Variants in WDR27 observed in about 807,000 individuals in gnomAD.
WDR27 encodes WD repeat-containing protein 27.
Under a neutral mutation model 114.4 loss-of-function variants are expected in WDR27, and 100 were observed. The observed-to-expected ratio is 0.87, with a 90% CI of 0.74 to 1.03. The LOEUF (loss-of-function observed/expected upper bound fraction) is 1.03, where lower values mean the gene tolerates loss of function less well. WDR27 is among the 50% of genes least tolerant of loss of function. The pLI, the probability that WDR27 is intolerant of heterozygous loss-of-function variation, is 0.00. For synonymous variants in WDR27, 449 were observed against 423.1 expected (o/e 1.06, Z -0.75); for missense variants, 1,129 against 1,092.9 (o/e 1.03, Z -0.47).
At chr6:169,674,652 GAAGA>G (rs1469415462) in intron 2 of WDR27, among the ~76,000 whole-genome samples, 7 of 152,176 alleles carry the variant, frequency 4.6e-5, no homozygotes, top group African/African-American at 1.7e-4. Flanking sequence ...GGGAATATTT[GAAGA>G]AATAATGGCT....
At chr6:169,524,513 C>A (rs557930750) in intron 25 of WDR27, among the ~76,000 whole-genome samples, 28 of 152,252 alleles carry the variant, frequency 1.8e-4, no homozygotes, top group Non-Finnish European at 3.2e-4. Context: ...AGGTGTCACA[C>A]TCACCTGACT....
chr6:169,437,798 AT>A, the WDR27 span, among the ~76,000 whole-genome samples: 3 of 151,528 alleles, frequency 2.0e-5, no homozygotes, highest in African/African-American at 2.4e-5. Flanking sequence ...AGTTGTTGCA[AT>A]TTTTTTTTAA....
chr6:169,581,778 CT>C (rs1803476370), intron 24 of WDR27, among the ~76,000 whole-genome samples: 1 of 149,344 alleles, frequency 6.7e-6, no homozygotes, highest in African/African-American at 2.5e-5. Flanking sequence ...GCAACATGCC[CT>C]GAACCACGGC....
intron 25 of WDR27, among the ~76,000 whole-genome samples, chr6:169,547,824 G>A (rs918753794): frequency 6.6e-6 from 1 of 151,230 alleles, no homozygotes; most frequent in Non-Finnish European, 1.5e-5. Context: ...ACAAGAAAAG[G>A]AAATAAAAGG....
At chr6:169,462,296 G>A (rs1785000761) in intron 25 of WDR27, among the ~76,000 whole-genome samples, 1 of 152,056 alleles carries the variant, frequency 6.6e-6, no homozygotes, top group South Asian at 2.1e-4. Flanking sequence ...AATTAGCCAG[G>A]TGTAGTGGCA....
intron 25 of WDR27, among the ~76,000 whole-genome samples, chr6:169,460,122 G>C (rs1392833139): frequency 6.6e-6 from 1 of 151,982 alleles, no homozygotes; most frequent in African/African-American, 2.4e-5. Context: ...TGATTTAAGA[G>C]ACTAAAACAT....
chr6:169,612,631 TA>T lies in WDR27; in HGVS notation c.2321+927del, dbSNP rs59134868. 1.3e-3 allele frequency among the ~76,000 whole-genome samples: 123 copies of T among 97,024 alleles called. 1 individual carries two copies. The highest frequency in any genetic ancestry group is 4.3e-3 in the African/African-American group (104 of 24,182). The allele number at this position is 97,024 out of a possible 152,430, so 63.7% of individuals were successfully genotyped here. ...TGACAGAGCGAGACTCTGTCTAACA[TA>T]AAAAAAAAAAAAAAAAAAAAAGCAA... On this transcript the variant is annotated intron_variant, in intron 22 of 25. Transcript: ENST00000448612.
intron 25 of WDR27, among the ~76,000 whole-genome samples, chr6:169,568,908 G>A (rs923497336): frequency 8.5e-5 from 13 of 152,156 alleles, no homozygotes; most frequent in Non-Finnish European, 1.3e-4. Context: ...ATGTGGTACC[G>A]TGTCTCAGTA....
chr6:169,676,878 G>A (rs929574193), intron 2 of WDR27, among the ~76,000 whole-genome samples: 6 of 152,140 alleles, frequency 3.9e-5, no homozygotes, highest in Non-Finnish European at 8.8e-5. Flanking sequence ...ATAAATCCAA[G>A]CTGTAGCCTG....
intron 4 of WDR27, 142 bp downstream of exon 4, chr6:169,670,427 A>C: frequency 1.2e-6 from 1 of 861,034 alleles, no homozygotes; most frequent in Non-Finnish European, 1.7e-6. Flanking sequence ...ATATGATTTT[A>C]TAAAAGTAAA....
chr6:169,552,147 C>T lies in WDR27; in HGVS notation c.2645+20272G>A, dbSNP rs183075999. The stretch of plus-strand genomic sequence containing the variant: ...GCTGACCCAAGCATCCAGGCTCCAT[C>T]CTGCTCGGGCCTGTGTTCTCATCGT... On this transcript the variant is annotated intron_variant, in intron 25 of 25. Transcript: ENST00000448612. Among the ~76,000 whole-genome samples, 586 of 152,262 alleles carry T rather than the reference C, an allele frequency of 3.8e-3. 6 individuals are homozygous for T. Among genetic ancestry groups the T allele is most frequent in the African/African-American group, 0.014 (562 of 41,534 alleles).
rs147379377 is a variant in WDR27 at position 169,661,114 on chromosome 6, C to T, written c.1026-348G>A. 6.6e-5 allele frequency among the ~76,000 whole-genome samples: 10 copies of T among 152,348 alleles called. No individual in the cohort carries two copies. The East Asian group carries it at 1.9e-3, about 29-fold the overall frequency. ...CAGTGAGAACCACATCTGTGCCAGG[C>T]TGGCCACATCTGTGCCACCAACGCA... On this transcript the variant is annotated intron_variant, in intron 9 of 25. Transcript: ENST00000448612.
At chr6:169,641,972 A>G (rs1369401775) in intron 17 of WDR27, among the ~76,000 whole-genome samples, 1 of 152,250 alleles carries the variant, frequency 6.6e-6, no homozygotes, top group Non-Finnish European at 1.5e-5. Context: ...TGGACTAGAC[A>G]CAATTTTTGA....
chr6:169,584,799 G>T (rs915166031), intron 23 of WDR27, among the ~76,000 whole-genome samples: 14 of 152,082 alleles, frequency 9.2e-5, no homozygotes, highest in African/African-American at 3.4e-4. Flanking sequence ...ATAAATTTTG[G>T]ATATTAAACC....
At chr6:169,478,066 A>G (rs1787437932) in intron 25 of WDR27, among the ~76,000 whole-genome samples, 1 of 152,150 alleles carries the variant, frequency 6.6e-6, no homozygotes, top group African/African-American at 2.4e-5. Flanking sequence ...TGACTTCCTG[A>G]AAAAACAAGA....
chr6:169,672,072 T>G (rs1225411800), intron 3 of WDR27, 183 bp downstream of exon 3: 1 of 540,190 alleles, frequency 1.9e-6, no homozygotes, highest in African/African-American at 1.9e-5. Flanking sequence ...CCTGGGGCCC[T>G]TCCCATATAA....
At chr6:169,601,299 C>A (rs1807929681) in intron 23 of WDR27, among the ~76,000 whole-genome samples, 1 of 152,126 alleles carries the variant, frequency 6.6e-6, no homozygotes, top group Non-Finnish European at 1.5e-5. Flanking sequence ...GAAGTTATTT[C>A]TAAACAGAAC....
At chr6:169,569,966 G>C (rs1801106267) in intron 25 of WDR27, among the ~76,000 whole-genome samples, 1 of 152,202 alleles carries the variant, frequency 6.6e-6, no homozygotes, top group Non-Finnish European at 1.5e-5. Flanking sequence ...ACTATCTCCT[G>C]TTGGTTGGGT....
At chr6:169,504,859 A>G (rs1168619989) in intron 25 of WDR27, among the ~76,000 whole-genome samples, 1 of 152,070 alleles carries the variant, frequency 6.6e-6, no homozygotes, top group Non-Finnish European at 1.5e-5. Context: ...TCAGCCTCCC[A>G]AGGTGCTGTG....
Sources: gnomAD v4.1 joint callset for allele counts (sites outside exome capture counted in the v4.1 genomes callset) on GRCh38, gnomAD v4.1.1 for gene constraint, MANE v1.5 for transcripts, NCBI Gene and HGNC (gene_info 2026-07-23, HGNC 2026-07-21) for gene names.